The following BBS9 variants were observed in gnomAD, a reference collection of about 807,000 sequenced individuals.
The protein encoded by BBS9 is protein PTHB1.
In BBS9, 89 loss-of-function variants were observed where a neutral mutation model predicts 117.7. That is an observed-to-expected ratio of 0.76 (90% confidence interval 0.64 to 0.90). The LOEUF is 0.90. Among genes scored for constraint, BBS9 ranks in the 40% least tolerant of loss-of-function variants. BBS9 has a pLI of 0.00. For synonymous variants in BBS9, 379 were observed against 370.9 expected, an observed-to-expected ratio of 1.02 and a Z score of -0.25; for missense variants, 982 against 1,042.2, an observed-to-expected ratio of 0.94 and a Z score of 0.80.
At chr7:33,549,719 C>A (rs1585217394) in intron 21 of BBS9, among the ~76,000 whole-genome samples, 1 of 152,084 alleles carries the variant, frequency 6.6e-6, no homozygotes, top group Middle Eastern at 3.4e-3. Context: ...AAATCAAAAC[C>A]ACAATGAGAT....
intron 15 of BBS9, 38 bp downstream of exon 15, chr7:33,352,911 G>T (rs1427599061): frequency 5.7e-6 from 9 of 1,589,232 alleles, no homozygotes; most frequent in Non-Finnish European, 6.9e-6. Flanking sequence ...ATGAATTTCA[G>T]AACTGAAATT....
At chr7:33,291,533 A>G (rs2128400701) in intron 9 of BBS9, among the ~76,000 whole-genome samples, 1 of 152,286 alleles carries the variant, frequency 6.6e-6, no homozygotes, top group South Asian at 2.1e-4. Context: ...GTCACATTTG[A>G]GTTCAGGAAA....
intron 19 of BBS9, among the ~76,000 whole-genome samples, chr7:33,455,740 C>G (rs540962714): frequency 1.2e-4 from 19 of 152,222 alleles, no homozygotes; most frequent in Non-Finnish European, 2.2e-4. Flanking sequence ...AATTGGGTCC[C>G]CAGCTAACCA....
At chr7:33,173,464 C>T (rs914493039) in intron 4 of BBS9, among the ~76,000 whole-genome samples, 10 of 151,430 alleles carry the variant, frequency 6.6e-5, no homozygotes, top group African/African-American at 1.2e-4. Flanking sequence ...CCCAGCTACT[C>T]GCGAGGATGA....
chr7:33,243,924 A>C (rs1794922167), intron 5 of BBS9, among the ~76,000 whole-genome samples: 1 of 152,114 alleles, frequency 6.6e-6, no homozygotes, highest in Non-Finnish European at 1.5e-5. Context: ...CTATTTCTTT[A>C]AAAAATTTCC....
At chr7:33,492,202 C>CAAAAAA (rs1563251353) in intron 19 of BBS9, among the ~76,000 whole-genome samples, 6 of 41,090 alleles carry the variant, frequency 1.5e-4, no homozygotes, top group African/African-American at 8.3e-4. Flanking sequence ...GATTCCACCT[C>CAAAAAA]GAAAAAAAAA....
chr7:33,192,982 A>G lies in BBS9; in HGVS notation c.442+15391A>G, dbSNP rs188546343. On this transcript the variant is annotated intron_variant, in intron 5 of 22. Transcript: ENST00000242067. Reference sequence around the variant, plus strand: ...ATGGGAATTAATTTTCAACACAGGAATTTTGGATGACGTTCAGACCATAGC... The same window carrying G: ...ATGGGAATTAATTTTCAACACAGGAGTTTTGGATGACGTTCAGACCATAGC... Among the ~76,000 whole-genome samples the G allele has an allele frequency of 2.5e-4, 38 of 152,344 alleles. 1 individual carries two copies. Among genetic ancestry groups the G allele is most frequent in the African/African-American group, 8.7e-4 (36 of 41,582 alleles).
intron 12 of BBS9, among the ~76,000 whole-genome samples, chr7:33,345,611 G>A (rs1299696377): frequency 6.6e-6 from 1 of 152,070 alleles, no homozygotes; most frequent in Non-Finnish European, 1.5e-5. Flanking sequence ...AAACAAGGGT[G>A]GTCTTTCCCC....
chr7:33,612,964 A>G (rs1864952861), intron 21 of BBS9, among the ~76,000 whole-genome samples: 2 of 151,376 alleles, frequency 1.3e-5, no homozygotes, highest in South Asian at 2.1e-4. Context: ...CTAAATAGAG[A>G]TCTATTCATT....
intron 9 of BBS9, among the ~76,000 whole-genome samples, chr7:33,281,919 A>G (rs1311004390): frequency 6.6e-6 from 1 of 151,894 alleles, no homozygotes; most frequent in Non-Finnish European, 1.5e-5. Context: ...GGCGCAAGCA[A>G]TCCTCCCACC....
At chr7:33,414,833 T>C (rs930300063) in intron 19 of BBS9, among the ~76,000 whole-genome samples, 9 of 101,480 alleles carry the variant, frequency 8.9e-5, no homozygotes, top group African/African-American at 3.1e-4. Context: ...GTTCTGTGTA[T>C]ATTTGTAAGT....
Position 33,336,369 on chromosome 7 carries a change from A to G in BBS9, c.1017-72A>G, listed in dbSNP as rs1313734676. On this transcript the variant is annotated intron_variant, in intron 9 of 22. Coordinates refer to ENST00000242067, the MANE Select transcript of BBS9 (RefSeq NM_198428.3). ...ATGGTGTGTTGATGCTGAATTGAGT[A>G]AAAATGTAGTTGGTCAAGACTAACT... is the stretch of plus-strand genomic sequence containing the variant. The G allele has an allele frequency of 4.3e-6, 5 of 1,172,282 alleles. No individual in the cohort carries two copies. The African/African-American group carries it at 7.6e-5, about 18-fold the overall frequency. The allele number at this position is 1,172,282 out of a possible 1,614,324, so 72.6% of individuals were successfully genotyped here.
chr7:33,467,758 T>C (rs146869279), intron 19 of BBS9, among the ~76,000 whole-genome samples: 1 of 152,260 alleles, frequency 6.6e-6, no homozygotes, highest in East Asian at 1.9e-4. Flanking sequence ...ATAAATGATA[T>C]GGATCTTTTA....
At chr7:33,314,715 CAT>C (rs1348613790) in intron 9 of BBS9, 1 of 152,310 alleles carries the variant, frequency 6.6e-6, no homozygotes, top group African/African-American at 2.4e-5. Flanking sequence ...CTGGCATTGA[CAT>C]ACACAAATTC....
In BBS9 at chr7:33,441,461, T is replaced by C. The variant is rs541056440; in HGVS notation, c.2115+53317T>C. On this transcript the variant is annotated intron_variant, in intron 19 of 22. Coordinates refer to ENST00000242067, the MANE Select transcript of BBS9 (RefSeq NM_198428.3). Reference sequence around the variant, plus strand: ...TTCATTGTTTTAATTCATCTATTCATAAAATGAAAATCACAATAATACCTT... The same window carrying C: ...TTCATTGTTTTAATTCATCTATTCACAAAATGAAAATCACAATAATACCTT... 1.1e-4 allele frequency among the ~76,000 whole-genome samples: 16 copies of C among 152,306 alleles called. No homozygotes were observed. In the South Asian group the frequency reaches 1.5e-3, roughly 14 times the overall value.
intron 1 of BBS9, among the ~76,000 whole-genome samples, chr7:33,144,488 A>G (rs1237463386): frequency 6.6e-6 from 1 of 152,220 alleles, no homozygotes; most frequent in Non-Finnish European, 1.5e-5. Context: ...CACCTGATGC[A>G]CATGTTCCCA....
At chr7:33,500,393 A>C (rs1224948416) in intron 19 of BBS9, among the ~76,000 whole-genome samples, 1 of 152,240 alleles carries the variant, frequency 6.6e-6, no homozygotes, top group African/African-American at 2.4e-5. Flanking sequence ...AAGGGCACCC[A>C]GTAGGAAATC....
At chr7:33,521,559 G>A (rs1374486783) in intron 20 of BBS9, among the ~76,000 whole-genome samples, 2 of 152,124 alleles carry the variant, frequency 1.3e-5, no homozygotes, top group Admixed American at 6.5e-5. Flanking sequence ...AGAGTTAGTA[G>A]ATTACATGTG....
intron 5 of BBS9, among the ~76,000 whole-genome samples, chr7:33,232,132 A>T (rs1332512095): frequency 6.6e-6 from 1 of 152,196 alleles, no homozygotes; most frequent in Non-Finnish European, 1.5e-5. Context: ...AACCATGAGA[A>T]GTCATAAATT....
Sources: gnomAD v4.1 joint callset for allele counts (sites outside exome capture counted in the v4.1 genomes callset) on GRCh38, gnomAD v4.1.1 for gene constraint, MANE v1.5 for transcripts, NCBI Gene and HGNC (gene_info 2026-07-23, HGNC 2026-07-21) for gene names.